The following MEX3D variants were observed in gnomAD, a reference collection of about 807,000 sequenced individuals.
MEX3D encodes the protein mex-3 RNA binding family member D.
Under a neutral mutation model 6.3 loss-of-function variants are expected in MEX3D, and 4 were observed. That is an observed-to-expected ratio of 0.64 (90% CI 0.31 to 1.46). The LOEUF is 1.46. Ranked by LOEUF, MEX3D falls within the 40% of genes most tolerant of loss-of-function variation. The pLI, the probability that MEX3D is intolerant of heterozygous loss-of-function variation, is 0.07. For synonymous variants in MEX3D, 626 were observed against 494.1 expected, an observed-to-expected ratio of 1.27 and a Z score of -3.54; for missense variants, 1,038 against 994.4, an observed-to-expected ratio of 1.04 and a Z score of -0.59.
intron 1 of MEX3D, among the ~76,000 whole-genome samples, chr19:1,563,913 T>C (rs1914778185): frequency 6.6e-6 from 1 of 151,962 alleles, no homozygotes; most frequent in Non-Finnish European, 1.5e-5. Flanking sequence ...GCTCAAGTAA[T>C]CCTCCTGCCT....
At position 1,555,208 on chromosome 19, in the gene MEX3D, A is replaced by T. The variant is rs1000691985; in HGVS notation, c.*355T>A. The T allele has an allele frequency of 6.9e-6, 7 of 1,007,558 alleles. No individual in the cohort carries two copies. The highest frequency in any genetic ancestry group is 9.4e-6 in the Non-Finnish European group (7 of 746,048). 62.4% of individuals were successfully genotyped at this position (1,007,558 alleles called of 1,614,324 possible). ...AAAGGAAAAAACGCTGAGCGCTGGA[A>T]AAGTCGTGTTTTTTGTTTTGCTTTT... On this transcript the variant is annotated 3_prime_UTR_variant, in exon 2 of 2. Transcript: ENST00000402693.
rs1290333295 is a variant in MEX3D at position 1,555,495 on chromosome 19, TCCCG to T, written c.*64_*67del. ...CTCCCCGTCCCTCTCCCACCCCGGG[TCCCG>T]CCCCGTCTCCCGCGCCCACCCCTGG... is the stretch of plus-strand genomic sequence containing the variant. On this transcript the variant is annotated 3_prime_UTR_variant, in exon 2 of 2. Transcript: ENST00000402693. 24 of 1,275,708 alleles carry T rather than the reference TCCCG, an allele frequency of 1.9e-5. No individual in the cohort carries two copies. The South Asian group carries it at 3.1e-4, about 16-fold the overall frequency. 79.0% of individuals were successfully genotyped at this position (1,275,708 alleles called of 1,614,324 possible). A position where few individuals can be genotyped will look rare whatever the true frequency, so the allele number is the denominator to read the frequency against.
chr19:1,567,348 G>T lies in MEX3D; in HGVS notation c.595+116C>A. The T allele has an allele frequency of 1.7e-6, 2 of 1,199,070 alleles. No individual in the cohort carries two copies. Among genetic ancestry groups the T allele is most frequent in the South Asian group, 4.0e-5 (2 of 49,558 alleles). The allele number at this position is 1,199,070 out of a possible 1,614,324, so 74.3% of individuals were successfully genotyped here. A position where few individuals can be genotyped will look rare whatever the true frequency, so the allele number is the denominator to read the frequency against. Reference sequence around the variant, plus strand: ...GCGGCCGAGGCCGGAGCCCACGCGGGGCGTGTCCGGTGCGGGGCGTCCGGC... The same window carrying T: ...GCGGCCGAGGCCGGAGCCCACGCGGTGCGTGTCCGGTGCGGGGCGTCCGGC... On this transcript the variant is annotated intron_variant, in intron 1 of 1. Coordinates refer to ENST00000402693, the MANE Select transcript of MEX3D (RefSeq NM_203304.4). The surrounding 1 kb of genome is among the most constrained non-coding windows in gnomAD (Gnocchi z 6.5).
Position 1,555,435 on chromosome 19 carries a change from A to ACCCCCCCCCC in MEX3D, c.*127_*128insGGGGGGGGGG. On this transcript the variant is annotated 3_prime_UTR_variant, in exon 2 of 2. Transcript: ENST00000402693. ...CATCTGTAAACACTGGCCGCCGCCC[A>ACCCCCCCCCC]CCCCCCTGCCCCCTCGGCCTCCGCC... 1 of 973,230 alleles carries ACCCCCCCCCC rather than the reference A, an allele frequency of 1.0e-6. No homozygotes were observed. Among genetic ancestry groups the ACCCCCCCCCC allele is most frequent in the South Asian group, 1.5e-5 (1 of 68,628 alleles). The allele number at this position is 973,230 out of a possible 1,614,324, so 60.3% of individuals were successfully genotyped here.
At chr19:1,566,411 G>A (rs1914841080) in intron 1 of MEX3D, among the ~76,000 whole-genome samples, 1 of 152,204 alleles carries the variant, frequency 6.6e-6, no homozygotes, top group African/African-American at 2.4e-5. Context: ...AGATGACCTT[G>A]CAATCCCAGC....
chr19:1,567,564 G>A lies in MEX3D; in HGVS notation c.495C>T (p.Asp165=), dbSNP rs1004959710. ...AALGPPTLLA[D]QMSVIGSRKK... ...TGCGGCTGCCGATCACGCTCATCTG[G>A]TCGGCCAGCAGCGTCGGGGGCCCCA... Residue 165 remains aspartate, a synonymous_variant, in exon 1 of 2, where the codon GAC becomes GAT. Transcript: ENST00000402693. This position sits in a 1 kb window ranked among gnomAD's most constrained non-coding sequence, Gnocchi z 6.5. The A allele has an allele frequency of 6.5e-7, 1 of 1,528,838 alleles. No individual in the cohort carries two copies. The highest frequency in any genetic ancestry group is 8.8e-7 in the Non-Finnish European group (1 of 1,140,958). The allele number at this position is 1,528,838 out of a possible 1,614,324, so 94.7% of individuals were successfully genotyped here. A position where few individuals can be genotyped will look rare whatever the true frequency, so the allele number is the denominator to read the frequency against.
chr19:1,565,010 G>C (rs1276695671), intron 1 of MEX3D, among the ~76,000 whole-genome samples: 1 of 152,178 alleles, frequency 6.6e-6, no homozygotes, highest in Non-Finnish European at 1.5e-5. Flanking sequence ...CTGCCAACCT[G>C]TCCTGGCATC....
Position 1,555,191 on chromosome 19 carries a change from A to G in MEX3D, c.*372T>C, listed in dbSNP as rs1914481066. The stretch of plus-strand genomic sequence containing the variant: ...GAAAACGGCTTCGGACGAAAGGAAA[A>G]AACGCTGAGCGCTGGAAAAGTCGTG... On this transcript the variant is annotated 3_prime_UTR_variant, in exon 2 of 2. Coordinates refer to ENST00000402693, the MANE Select transcript of MEX3D (RefSeq NM_203304.4). 1 of 860,058 alleles carries G rather than the reference A, an allele frequency of 1.2e-6. No homozygotes were observed. The highest frequency in any genetic ancestry group is 1.6e-6 in the Non-Finnish European group (1 of 628,024). The allele number at this position is 860,058 out of a possible 1,614,324, so 53.3% of individuals were successfully genotyped here.
At chr19:1,566,181 C>T (rs1252837399) in intron 1 of MEX3D, among the ~76,000 whole-genome samples, 1 of 152,184 alleles carries the variant, frequency 6.6e-6, no homozygotes, top group African/African-American at 2.4e-5. Context: ...CCACCAAGGG[C>T]AGCCAGCAGG....
At chr19:1,566,085 C>T (rs554716157) in intron 1 of MEX3D, among the ~76,000 whole-genome samples, 63 of 152,294 alleles carry the variant, frequency 4.1e-4, no homozygotes, top group African/African-American at 1.5e-3. Flanking sequence ...CGTTCTAGGC[C>T]CTGGGTATGG....
At chr19:1,562,572 C>T (rs1181655765) in intron 1 of MEX3D, among the ~76,000 whole-genome samples, 1 of 152,042 alleles carries the variant, frequency 6.6e-6, no homozygotes, top group Non-Finnish European at 1.5e-5. Context: ...TTGGTGCGCA[C>T]CTGTGGTCCC....
intron 1 of MEX3D, among the ~76,000 whole-genome samples, chr19:1,560,724 C>G (rs1366125330): frequency 6.6e-6 from 1 of 152,196 alleles, no homozygotes; most frequent in Non-Finnish European, 1.5e-5. Context: ...CTGCCCTAAC[C>G]CAGACGGTGG....
At chr19:1,558,306 A>G (rs547623879) in intron 1 of MEX3D, among the ~76,000 whole-genome samples, 2 of 151,532 alleles carry the variant, frequency 1.3e-5, no homozygotes, top group African/African-American at 4.8e-5. Flanking sequence ...TGGAGGCTGC[A>G]GTGAGCTATG....
chr19:1,566,332 C>G (rs1224320318), intron 1 of MEX3D, among the ~76,000 whole-genome samples: 4 of 152,232 alleles, frequency 2.6e-5, no homozygotes, highest in Admixed American at 6.5e-5. Context: ...GGTGCCCCAC[C>G]CACCTGGACC....
intron 1 of MEX3D, among the ~76,000 whole-genome samples, chr19:1,565,970 C>T (rs746335759): frequency 6.6e-6 from 1 of 152,254 alleles, no homozygotes; most frequent in African/African-American, 2.4e-5. Flanking sequence ...ACAGCCTCCA[C>T]CACCTGGAGG....
At chr19:1,557,206 GGT>G (rs964931988) in intron 1 of MEX3D, among the ~76,000 whole-genome samples, 1 of 152,170 alleles carries the variant, frequency 6.6e-6, no homozygotes, top group African/African-American at 2.4e-5. Context: ...TGACGGCTGG[GGT>G]GTGAATGTTT....
intron 1 of MEX3D, among the ~76,000 whole-genome samples, chr19:1,557,773 C>T (rs1206425186): frequency 2.9e-5 from 4 of 138,376 alleles, no homozygotes; most frequent in African/African-American, 1.1e-4. Flanking sequence ...GCGGAAGAAT[C>T]GCTTGAACCT....
Position 1,567,978 on chromosome 19 carries a change from G to A in MEX3D, c.81C>T (p.Asp27=). The A allele has an allele frequency of 1.0e-6, 1 of 978,078 alleles. No homozygotes were observed. Among genetic ancestry groups the A allele is most frequent in the Non-Finnish European group, 1.2e-6 (1 of 827,102 alleles). The allele number at this position is 978,078 out of a possible 1,614,324, so 60.6% of individuals were successfully genotyped here. Residue 27 remains aspartate (D), a synonymous_variant, in exon 1 of 2, where the codon GAC becomes GAT. Transcript: ENST00000402693. The surrounding 1 kb of genome is among the most constrained non-coding windows in gnomAD (Gnocchi z 6.5). ...GGGGVGAAGE[D]PGPGPAPPPE... ...GCGGGGGCGCAGGTCCGGGTCCGGG[G>A]TCCTCCCCCGCCGCCCCCACGCCGC...
rs781362357 is a variant in MEX3D, at chr19:1,556,628, C to T, written c.891G>A (p.Lys297=). 3.7e-6 allele frequency: 6 copies of T among 1,610,500 alleles called. No homozygotes were observed. Among genetic ancestry groups the T allele is most frequent in the Middle Eastern group, 1.6e-4 (1 of 6,080 alleles). The part of the protein sequence containing the change: ...LVVGPKGATI[K]RIQQRTHTYI... ...AGGTGTGCGTCCGCTGCTGGATGCGCTTGATGGTGGCGCCCTTGGGCCCCA... is the reference window on the plus strand; with the variant it reads ...AGGTGTGCGTCCGCTGCTGGATGCGTTTGATGGTGGCGCCCTTGGGCCCCA... Residue 297 remains lysine, a synonymous_variant, in exon 2 of 2, where the codon AAG becomes AAA. Coordinates refer to ENST00000402693, the MANE Select transcript of MEX3D (RefSeq NM_203304.4). This position sits in a 1 kb window ranked among gnomAD's most constrained non-coding sequence, Gnocchi z 7.5.
Sources: allele counts gnomAD v4.1 joint callset (sites outside exome capture counted in the v4.1 genomes callset), GRCh38; gene constraint gnomAD v4.1.1; non-coding constraint Gnocchi (gnomAD v3.1); transcripts MANE v1.5; gene names NCBI Gene and HGNC (gene_info 2026-07-23, HGNC 2026-07-21).